PDCD11: variants seen among roughly 807,000 people sequenced by gnomAD.
The protein encoded by PDCD11 is programmed cell death 11.
Under a neutral mutation model 198.9 loss-of-function variants are expected in PDCD11, and 97 were observed. The observed-to-expected ratio is 0.49, with a 90% confidence interval of 0.41 to 0.58. The LOEUF is 0.58. Among genes scored for constraint, PDCD11 ranks in the 20% least tolerant of loss-of-function variants. The pLI is 0.00. For synonymous variants in PDCD11, 893 were observed against 918.0 expected (o/e 0.97, Z 0.49); for missense variants, 2,102 against 2,312.7 (o/e 0.91, Z 1.87).
chr10:103,427,348 C>T lies in PDCD11; in HGVS notation c.3325C>T (p.Pro1109Ser), dbSNP rs757052570. 2 of 1,613,122 alleles carry T rather than the reference C, an allele frequency of 1.2e-6. No individual in the cohort carries two copies. Among genetic ancestry groups the T allele is most frequent in the Non-Finnish European group, 1.7e-6 (2 of 1,179,510 alleles). The change falls in exon 21 of 36, where the codon CCC becomes TCC. Residue 1109 changes from proline (P) to serine (S), a missense_variant. Coordinates refer to ENST00000369797, the MANE Select transcript of PDCD11 (RefSeq NM_014976.2). ...KTFKYLPISH[P>S]RFVRTIPELS... The stretch of plus-strand genomic sequence containing the variant: ...CTCCAGGTATCTCCCAATAAGTCAC[C>T]CCAGATTCGTTCGAACCATCCCGGA...
rs751546898 is a variant in PDCD11, at chr10:103,405,995, G to T, written c.575G>T (p.Gly192Val). 6.2e-7 allele frequency: 1 copy of T among 1,613,906 alleles called. No individual in the cohort carries two copies. The change falls in exon 6 of 36, where the codon GGT (glycine) becomes GTT (valine). Residue 192 changes from glycine (G) to valine (V), a missense_variant. Transcript: ENST00000369797. ...EALKPGMLLT[G>V]TVSSLEDHGY... ...CTTTCTCTTCCCCAGCTACTTACAG[G>T]TACCGTATCCAGCCTGGAAGACCAT...
At position 103,417,892 on chromosome 10, in the gene PDCD11, G is replaced by A. The variant is rs1035449065; in HGVS notation, c.1871G>A (p.Gly624Glu). 2.5e-6 allele frequency: 4 copies of A among 1,614,054 alleles called. No individual in the cohort carries two copies. The African/African-American group carries it at 5.3e-5, about 22-fold the overall frequency. Residue 624 changes from glycine (G) to glutamate (E), a missense_variant, in exon 14 of 36, where the codon GGA (glycine) becomes GAA (glutamate). By Grantham distance (98) the Gly-to-Glu change is moderately conservative. Coordinates refer to ENST00000369797, the MANE Select transcript of PDCD11 (RefSeq NM_014976.2). ...CCAGAGCCAAAGAAAGAGCCTGCAGGACACAGTCAGAAGAAAGGAAAAGCC... is the reference window on the plus strand; with the variant it reads ...CCAGAGCCAAAGAAAGAGCCTGCAGAACACAGTCAGAAGAAAGGAAAAGCC... The part of the protein sequence containing the change: ...SDPEPKKEPA[G>E]HSQKKGKAIN...
rs2031962553 is a variant in PDCD11, at chr10:103,432,148, A to G, written c.3388A>G (p.Thr1130Ala). The change falls in exon 22 of 36, where the codon ACT (threonine) becomes GCT (alanine). Residue 1130 changes from threonine (T) to alanine (A), a missense_variant. Thr to Ala is a moderately conservative substitution (Grantham distance 58). Transcript: ENST00000369797. ...VRPSELEDGH[T>A]ALNTHSVSPM... ...AAACAGTGAGCTGGAGGATGGCCAC[A>G]CTGCTCTTAACACTCACTCTGTTAG... 1 of 1,613,588 alleles carries G rather than the reference A, an allele frequency of 6.2e-7. No individual in the cohort carries two copies. The highest frequency in any genetic ancestry group is 1.1e-5 in the South Asian group (1 of 91,084).
rs1310256388 is a variant in PDCD11 at position 103,439,863 on chromosome 10, C to T, written c.4143C>T (p.Val1381=). 1 of 1,614,056 alleles carries T rather than the reference C, an allele frequency of 6.2e-7. No individual in the cohort carries two copies. The highest frequency in any genetic ancestry group is 1.7e-5 in the Admixed American group (1 of 60,010). The change falls in exon 28 of 36, where the codon GTC becomes GTT. Residue 1381 remains valine, a synonymous_variant. Coordinates refer to ENST00000369797, the MANE Select transcript of PDCD11 (RefSeq NM_014976.2). ...LPEGKLLTAR[V]LRLNHQKNLV... ...AAGGGAAGCTGCTCACAGCCAGGGT[C>T]CTACGGTAGGTGCCTTCCCGTTCTC...
At chr10:103,401,063 T>G (rs2030015649) in intron 3 of PDCD11, among the ~76,000 whole-genome samples, 1 of 152,164 alleles carries the variant, frequency 6.6e-6, no homozygotes, top group Admixed American at 6.5e-5. Context: ...CTGCCCCCTT[T>G]TTTTCCTTTA....
At chr10:103,420,781 C>T (rs1332149460) in intron 16 of PDCD11, among the ~76,000 whole-genome samples, 1 of 152,158 alleles carries the variant, frequency 6.6e-6, no homozygotes, top group Non-Finnish European at 1.5e-5. Context: ...GTGAGGACAG[C>T]CCTGGTGTCT....
chr10:103,398,390 A>G (rs2133663335), intron 1 of PDCD11, 26 bp from the exon 2 acceptor site: 2 of 1,358,342 alleles, frequency 1.5e-6, no homozygotes, highest in South Asian at 2.3e-5. Context: ...ACAACATGTC[A>G]CCATTATCCT....
At chr10:103,429,210 G>A (rs2031822890) in intron 21 of PDCD11, among the ~76,000 whole-genome samples, 1 of 152,150 alleles carries the variant, frequency 6.6e-6, no homozygotes, top group Non-Finnish European at 1.5e-5. Flanking sequence ...CCTCTGGAGG[G>A]CTGAGAGGAA....
Position 103,409,749 on chromosome 10 carries a change from G to C in PDCD11, c.921G>C (p.Val307=). The C allele has an allele frequency of 6.2e-7, 1 of 1,614,088 alleles. No individual in the cohort carries two copies. Residue 307 remains valine, a synonymous_variant, in exon 8 of 36, where the codon GTG becomes GTC. Transcript: ENST00000369797. ...TLNFLTFFTG[V]VDFMHLDPKK... ...ACTTCCTCACATTCTTCACGGGCGT[G>C]GTTGACTTTATGCACCTGGATCCCA... is the stretch of plus-strand genomic sequence containing the variant.
chr10:103,413,083 C>T, intron 8 of PDCD11, 33 bp from the exon 9 acceptor site: 1 of 1,585,524 alleles, frequency 6.3e-7, no homozygotes, highest in Non-Finnish European at 8.7e-7. Flanking sequence ...CTGTGTGCCT[C>T]CTCCTGCTCA....
intron 4 of PDCD11, 148 bp from the exon 5 acceptor site, chr10:103,404,874 C>A (rs1200340987): frequency 3.1e-6 from 2 of 641,066 alleles, no homozygotes; most frequent in Non-Finnish European, 5.3e-6. Context: ...ACAGACCCAA[C>A]TTCCTTTGTG....
At chr10:103,442,101 A>G (rs890741021) in intron 31 of PDCD11, 112 bp from the exon 32 acceptor site, 7 of 1,545,962 alleles carry the variant, frequency 4.5e-6, no homozygotes, top group African/African-American at 2.7e-5. Flanking sequence ...GTCCCAGGCC[A>G]GGGGGTATAT....
rs1406800967 is a variant in PDCD11 at position 103,438,814 on chromosome 10, T to C, written c.4025+6T>C. ...CCACACGGTGTGTTCTTTCGGTGAG[T>C]GAGGGGGGCTCTGCACCCGGACCCA... On this transcript the variant is annotated splice_donor_region_variant and intron_variant, in intron 27 of 35. Transcript: ENST00000369797. 14 of 1,613,576 alleles carry C rather than the reference T, an allele frequency of 8.7e-6. No homozygotes were observed. Among genetic ancestry groups the C allele is most frequent in the Non-Finnish European group, 1.1e-5 (13 of 1,179,928 alleles).
In PDCD11 at chr10:103,403,268, C is replaced by G. The variant is rs78125145; in HGVS notation, c.385C>G (p.Gln129Glu). 1 of 1,613,732 alleles carries G rather than the reference C, an allele frequency of 6.2e-7. No homozygotes were observed. The highest frequency in any genetic ancestry group is 8.5e-7 in the Non-Finnish European group (1 of 1,179,872). Residue 129 changes from glutamine to glutamate, a missense_variant, in exon 4 of 36, where the codon CAA (glutamine) becomes GAA (glutamate). Coordinates refer to ENST00000369797, the MANE Select transcript of PDCD11 (RefSeq NM_014976.2). The part of the protein sequence containing the change: ...YTKKLNEQVT[Q>E]EQPLKDLLHL... ...CAAAAAGCTGAATGAGCAGGTGACA[C>G]AAGAACAACCTCTGAAGGTAAGGGA...
At chr10:103,428,034 A>C (rs1039312557) in intron 21 of PDCD11, among the ~76,000 whole-genome samples, 1 of 152,198 alleles carries the variant, frequency 6.6e-6, no homozygotes. Flanking sequence ...AGCCAGGCAC[A>C]GTGGCTCACG....
intron 16 of PDCD11, among the ~76,000 whole-genome samples, chr10:103,419,988 G>A (rs1038120118): frequency 8.9e-5 from 11 of 123,686 alleles, no homozygotes; most frequent in African/African-American, 3.6e-4. Context: ...AGTAGAGACA[G>A]AGTTTTACCA....
intron 4 of PDCD11, 143 bp downstream of exon 4, chr10:103,403,428 G>C: frequency 1.4e-6 from 1 of 727,730 alleles, no homozygotes; most frequent in Non-Finnish European, 2.2e-6. Flanking sequence ...ACTAAGTCTG[G>C]GAGCCTGGAA....
chr10:103,432,014 G>A (rs1269893601), intron 21 of PDCD11, 115 bp from the exon 22 acceptor site: 4 of 735,944 alleles, frequency 5.4e-6, no homozygotes, highest in Non-Finnish European at 9.8e-6. Context: ...TGGAGGGTGA[G>A]TATGAGTAGG....
intron 4 of PDCD11, among the ~76,000 whole-genome samples, chr10:103,403,918 A>T (rs560050884): frequency 2.0e-5 from 3 of 152,272 alleles, no homozygotes; most frequent in African/African-American, 7.2e-5. Flanking sequence ...TCTGTTTTGC[A>T]TGATTTGATG....
Sources: gnomAD v4.1 joint callset for allele counts (sites outside exome capture counted in the v4.1 genomes callset) on GRCh38, gnomAD v4.1.1 for gene constraint, MANE v1.5 for transcripts, NCBI Gene and HGNC (gene_info 2026-07-23, HGNC 2026-07-21) for gene names.